The following MEI1 variants were observed in gnomAD, a reference collection of about 807,000 sequenced individuals.
The protein encoded by MEI1 is meiotic double-stranded break formation protein 1.
A neutral mutation model predicts 146.2 loss-of-function variants in MEI1; 103 were observed. That is an observed-to-expected ratio of 0.70 (90% confidence interval 0.60 to 0.83). The LOEUF (loss-of-function observed/expected upper bound fraction) is 0.83. Among genes scored for constraint, MEI1 ranks in the 40% least tolerant of loss-of-function variants. The pLI, the probability that MEI1 is intolerant of heterozygous loss-of-function variation, is 0.00. For missense variants in MEI1, 1,529 were observed against 1,533.0 expected (o/e 1.00, Z 0.04); for synonymous variants, 652 against 628.2 (o/e 1.04, Z -0.57).
rs1167562368 is a variant in MEI1 at position 41,748,194 on chromosome 22, AAGG to A, written c.1771_1773del (p.Glu591del). ...CCTCTTTGTCATCGTTCCCCACATG[AAGG>A]AGAAGTTTTCCAAGAAGCTTGGTAG... On this transcript the variant is annotated inframe_deletion, in exon 15 of 31. Coordinates refer to ENST00000401548, the MANE Select transcript of MEI1 (RefSeq NM_152513.4). 10 of 1,613,588 alleles carry A rather than the reference AAGG, an allele frequency of 6.2e-6. No individual in the cohort carries two copies. The highest frequency in any genetic ancestry group is 8.5e-6 in the Non-Finnish European group (10 of 1,179,674).
intron 11 of MEI1, among the ~76,000 whole-genome samples, 155 bp from the exon 12 acceptor site, chr22:41,742,925 G>A (rs886160582): frequency 1.1e-4 from 16 of 152,182 alleles, no homozygotes; most frequent in African/African-American, 2.7e-4. Flanking sequence ...ATTAACAGGC[G>A]TGAGCCACCA....
rs768568550 is a variant in MEI1 at position 41,745,351 on chromosome 22, A to G, written c.1538+287A>G. Among the ~76,000 whole-genome samples the G allele has an allele frequency of 1.4e-4, 21 of 152,108 alleles. No homozygotes were observed. In the Middle Eastern group the frequency reaches 0.024, roughly 174 times the overall value. On this transcript the variant is annotated intron_variant, in intron 13 of 30. Coordinates refer to ENST00000401548, the MANE Select transcript of MEI1 (RefSeq NM_152513.4). The stretch of plus-strand genomic sequence containing the variant: ...CCCACCACCCCCCAACTAGCCTAGC[A>G]CTACAGGTATTCACTGAATGGTTGC...
intron 20 of MEI1, among the ~76,000 whole-genome samples, chr22:41,773,944 C>G (rs1272287887): frequency 6.6e-6 from 1 of 152,148 alleles, no homozygotes; most frequent in Non-Finnish European, 1.5e-5. Context: ...ATAATTCTTA[C>G]CATTTCTCCC....
chr22:41,730,428 A>G, intron 8 of MEI1, 93 bp from the exon 9 acceptor site: 2 of 783,280 alleles, frequency 2.6e-6, no homozygotes. Flanking sequence ...TAGCAAGAGT[A>G]AGGTGCTGAA....
chr22:41,753,292 G>T (rs1465241995), intron 16 of MEI1, among the ~76,000 whole-genome samples: 1 of 152,000 alleles, frequency 6.6e-6, no homozygotes, highest in African/African-American at 2.4e-5. Context: ...GTGAGCCACC[G>T]TGGCTGGCCA....
intron 21 of MEI1, among the ~76,000 whole-genome samples, chr22:41,777,766 C>T (rs890602374): frequency 9.9e-5 from 15 of 152,260 alleles, no homozygotes; most frequent in Non-Finnish European, 1.8e-4. Context: ...CTGAAAGATT[C>T]AGTGTCTGGT....
rs542995895 is a variant in MEI1, at chr22:41,798,868, C to T, written c.3780-386C>T. Among the ~76,000 whole-genome samples, 72 of 138,806 alleles carry T rather than the reference C, an allele frequency of 5.2e-4. 1 individual carries two copies. The South Asian group carries it at 0.017, about 33-fold the overall frequency. The allele number at this position is 138,806 out of a possible 152,430, so 91.1% of individuals were successfully genotyped here. A position where few individuals can be genotyped will look rare whatever the true frequency, so the allele number is the denominator to read the frequency against. On this transcript the variant is annotated intron_variant, in intron 30 of 30. Coordinates refer to ENST00000401548, the MANE Select transcript of MEI1 (RefSeq NM_152513.4). ...CTCCAGCCTGGGTGGCAGAGTGAGA[C>T]TATGTCTCAAAAAAAAAAAAAAAAA...
rs772943750 is a variant in MEI1, at chr22:41,795,500, C to G, written c.3624C>G (p.Leu1208=). The change falls in exon 29 of 31, where the codon CTC becomes CTG. Residue 1208 remains leucine, a synonymous_variant. Transcript: ENST00000401548. This position sits in a 1 kb window ranked among gnomAD's most constrained non-coding sequence, Gnocchi z 4.2. ...TGGCTTTGGCTGACCTGTCTACCCTCTCGAACACCACACTCCAGGCCCTGC... is the reference window on the plus strand; with the variant it reads ...TGGCTTTGGCTGACCTGTCTACCCTGTCGAACACCACACTCCAGGCCCTGC... ...QGVALADLST[L]SNTTLQALHG... is the part of the protein sequence containing the mutation. 1 of 1,613,262 alleles carries G rather than the reference C, an allele frequency of 6.2e-7. No homozygotes were observed. Among genetic ancestry groups the G allele is most frequent in the East Asian group, 2.2e-5 (1 of 44,762 alleles).
At chr22:41,760,265 G>C (rs5751151) in intron 18 of MEI1, among the ~76,000 whole-genome samples, 2 of 150,252 alleles carry the variant, frequency 1.3e-5, no homozygotes, top group Non-Finnish European at 3.0e-5. Context: ...AGCTGAGATC[G>C]CGCCACTGCA....
chr22:41,763,067 T>TGC (rs2074602010), intron 18 of MEI1, 107 bp from the exon 19 acceptor site: 1 of 1,234,426 alleles, frequency 8.1e-7, no homozygotes, highest in Non-Finnish European at 1.1e-6. Flanking sequence ...GCTGTGGGCA[T>TGC]ATTGGGGCAG....
chr22:41,731,836 G>A (rs990537267), intron 9 of MEI1, among the ~76,000 whole-genome samples: 1 of 152,206 alleles, frequency 6.6e-6, no homozygotes. Context: ...GCTGATTAGA[G>A]CTCTGCTAGA....
At chr22:41,711,854 C>CT (rs200012301) in intron 3 of MEI1, among the ~76,000 whole-genome samples, 23 of 150,876 alleles carry the variant, frequency 1.5e-4, no homozygotes, top group Admixed American at 4.0e-4. Flanking sequence ...GCCTATAATT[C>CT]TTTTTTTTTA....
At chr22:41,721,722 T>C (rs1199117406) in intron 6 of MEI1, among the ~76,000 whole-genome samples, 18 of 140,922 alleles carry the variant, frequency 1.3e-4, no homozygotes, top group Non-Finnish European at 2.2e-4. Flanking sequence ...GCTACCCCTT[T>C]TTTTTTTTTT....
chr22:41,767,034 A>G (rs2074901398), intron 19 of MEI1, among the ~76,000 whole-genome samples: 1 of 152,018 alleles, frequency 6.6e-6, no homozygotes, highest in Admixed American at 6.6e-5. Context: ...GTAGAGGAGC[A>G]CCCTCCATGG....
rs757068997 is a variant in MEI1, at chr22:41,705,523, A to G, written c.318A>G (p.Glu106=). ...SVLFGLLCSM[E]DGSVTDLCIE... is the part of the protein sequence containing the mutation. ...TCCAAGGACTATTATGCAGCATGGA[A>G]GATGGGAGTGTGACAGACCTCTGTA... Residue 106 remains glutamate, a synonymous_variant, in exon 3 of 31, where the codon GAA becomes GAG. Transcript: ENST00000401548. The G allele has an allele frequency of 1.2e-6, 2 of 1,613,562 alleles. No homozygotes were observed. The highest frequency in any genetic ancestry group is 3.3e-5 in the Admixed American group (2 of 59,986).
chr22:41,774,851 C>T (rs1347613189), intron 20 of MEI1, among the ~76,000 whole-genome samples: 1 of 152,116 alleles, frequency 6.6e-6, no homozygotes, highest in African/African-American at 2.4e-5. Context: ...GTTGTTTTTC[C>T]AGCAACTGCG....
At chr22:41,712,910 GCC>G (rs2069732253) in intron 3 of MEI1, among the ~76,000 whole-genome samples, 1 of 149,750 alleles carries the variant, frequency 6.7e-6, no homozygotes. Flanking sequence ...CCAGATTCAT[GCC>G]ATTCTCCTGC....
chr22:41,765,224 C>T (rs930443457), intron 19 of MEI1, among the ~76,000 whole-genome samples: 2 of 152,212 alleles, frequency 1.3e-5, no homozygotes, highest in Non-Finnish European at 2.9e-5. Flanking sequence ...ACATGTTGGT[C>T]AGGCTGGTCT....
chr22:41,725,710 T>A (rs2071272437), intron 7 of MEI1, among the ~76,000 whole-genome samples: 3 of 152,230 alleles, frequency 2.0e-5, no homozygotes, highest in African/African-American at 7.2e-5. Context: ...TCTCTTTATC[T>A]GCTGATATGA....
Sources: gnomAD v4.1 joint callset for allele counts (sites outside exome capture counted in the v4.1 genomes callset) on GRCh38, gnomAD v4.1.1 for gene constraint, Gnocchi (gnomAD v3.1) non-coding constraint, MANE v1.5 for transcripts, NCBI Gene and HGNC (gene_info 2026-07-23, HGNC 2026-07-21) for gene names.